Variants in PBX3 observed in about 807,000 individuals in gnomAD.
The protein encoded by PBX3 is PBX homeobox 3.
A neutral mutation model predicts 48.5 loss-of-function variants in PBX3; 14 were observed. That is an observed-to-expected ratio of 0.29 (90% CI 0.19 to 0.45). PBX3 has a LOEUF of 0.45. PBX3 is among the 20% of genes least tolerant of loss of function. The pLI is 1.00. For synonymous variants in PBX3, 210 were observed against 200.3 expected (o/e 1.05, Z -0.41); for missense variants, 386 against 546.7 (o/e 0.71, Z 2.93).
rs1312265903 is a variant in PBX3 at position 125,891,751 on chromosome 9, T to G, written c.275-23935T>G. Among the ~76,000 whole-genome samples, 29 of 152,214 alleles carry G rather than the reference T, an allele frequency of 1.9e-4. 1 individual carries two copies. Among genetic ancestry groups the G allele is most frequent in the Admixed American group, 1.9e-3 (29 of 15,282 alleles). On this transcript the variant is annotated intron_variant, in intron 2 of 8. Transcript: ENST00000373489. ...TTTAACCATGTGTATCTATGTATCATTATCTGTACATATCCTAAGTATGTA... is the reference window on the plus strand; with the variant it reads ...TTTAACCATGTGTATCTATGTATCAGTATCTGTACATATCCTAAGTATGTA...
At chr9:125,781,031 C>T (rs1261372247) in intron 2 of PBX3, among the ~76,000 whole-genome samples, 1 of 126,162 alleles carries the variant, frequency 7.9e-6, no homozygotes, top group Non-Finnish European at 1.6e-5. Context: ...TCCTCACTTT[C>T]CAGACTGGGC....
At chr9:125,780,821 C>A (rs112725644) in intron 2 of PBX3, among the ~76,000 whole-genome samples, 57,310 of 129,300 alleles carry the variant, frequency 0.44, 12,020 homozygotes, top group South Asian at 0.53. Context: ...CGGGCGGAGA[C>A]GCTCCTCACT....
At chr9:125,852,464 T>G (rs770499779) in intron 2 of PBX3, among the ~76,000 whole-genome samples, 7 of 152,208 alleles carry the variant, frequency 4.6e-5, no homozygotes, top group Non-Finnish European at 8.8e-5. Flanking sequence ...TCATGTTAAC[T>G]GATCAGTACT....
intron 2 of PBX3, among the ~76,000 whole-genome samples, chr9:125,885,399 G>T (rs965144829): frequency 3.9e-5 from 6 of 152,108 alleles, no homozygotes; most frequent in African/African-American, 1.4e-4. Flanking sequence ...AATTGGTAGA[G>T]AGTGAAGTTA....
At chr9:125,833,827 T>G (rs550442102) in intron 2 of PBX3, among the ~76,000 whole-genome samples, 1 of 152,362 alleles carries the variant, frequency 6.6e-6, no homozygotes, top group Admixed American at 6.5e-5. Context: ...AGTTTTTGTG[T>G]AGACATATAT....
rs535519210 is a variant in PBX3, at chr9:125,903,328, C to CA, written c.275-12352dup. 1.8e-3 allele frequency among the ~76,000 whole-genome samples: 266 copies of CA among 151,894 alleles called. 1 individual carries two copies. The highest frequency in any genetic ancestry group is 5.8e-3 in the African/African-American group (239 of 41,506). On this transcript the variant is annotated intron_variant, in intron 2 of 8. Transcript: ENST00000373489. ...AATCTCAAGGGACCAGACATAAAAA[C>CA]AAAAAACTCAATGACAGTTTCAAAT... is the stretch of plus-strand genomic sequence containing the variant.
At chr9:125,934,208 G>C (rs1666689077) in intron 4 of PBX3, among the ~76,000 whole-genome samples, 1 of 152,084 alleles carries the variant, frequency 6.6e-6, no homozygotes, top group Admixed American at 6.6e-5. Flanking sequence ...TAGATTTCTT[G>C]CTCCCTTGAC....
chr9:125,908,277 C>T lies in PBX3; in HGVS notation c.275-7409C>T, dbSNP rs184649801. 3.1e-3 allele frequency among the ~76,000 whole-genome samples: 477 copies of T among 152,144 alleles called. 9 individuals are homozygous for T. Among genetic ancestry groups the T allele is most frequent in the Non-Finnish European group, 9.4e-4 (64 of 67,970 alleles). On this transcript the variant is annotated intron_variant, in intron 2 of 8. Transcript: ENST00000373489. ...AAGCAGCTGTGTGGAGAGGCACACA[C>T]GATGCCCTCAGTGTTAGAGGGAGCA...
At chr9:125,881,437 G>A (rs374417862) in intron 2 of PBX3, among the ~76,000 whole-genome samples, 67 of 152,280 alleles carry the variant, frequency 4.4e-4, no homozygotes, top group African/African-American at 1.6e-3. Flanking sequence ...TGACAGCTAA[G>A]TTAAAGTACT....
intron 2 of PBX3, among the ~76,000 whole-genome samples, chr9:125,831,024 C>T (rs1051872096): frequency 6.6e-6 from 1 of 152,122 alleles, no homozygotes; most frequent in Admixed American, 6.6e-5. Context: ...TCCTCCTGCC[C>T]CCCACCTGTC....
At chr9:125,945,353 AC>A (rs1842044523) in intron 5 of PBX3, among the ~76,000 whole-genome samples, 1 of 152,176 alleles carries the variant, frequency 6.6e-6, no homozygotes. Context: ...AATTATTGTT[AC>A]GCAGTTTCTC....
At position 125,933,802 on chromosome 9, in the gene PBX3, G is replaced by C. The variant is rs577763851; in HGVS notation, c.708-1670G>C. Among the ~76,000 whole-genome samples, 44 of 152,204 alleles carry C rather than the reference G, an allele frequency of 2.9e-4. 2 individuals carry two copies. Among genetic ancestry groups the C allele is most frequent in the African/African-American group, 9.4e-4 (39 of 41,516 alleles). On this transcript the variant is annotated intron_variant, in intron 4 of 8. Transcript: ENST00000373489. ...AGATTTTTATGAGCAGGTAATTACT[G>C]TGTGGTCTCAATAAATAATGTCTAT...
chr9:125,779,917 G>C, intron 2 of PBX3, among the ~76,000 whole-genome samples: 1 of 131,900 alleles, frequency 7.6e-6, no homozygotes, highest in African/African-American at 2.9e-5. Context: ...TCCCGGACGG[G>C]GCGTCTGGCC....
chr9:125,773,252 A>G (rs981502166), intron 2 of PBX3, among the ~76,000 whole-genome samples: 2 of 152,124 alleles, frequency 1.3e-5, no homozygotes, highest in African/African-American at 4.8e-5. Context: ...TAAACTGAAA[A>G]ATGAGAAGGA....
intron 2 of PBX3, among the ~76,000 whole-genome samples, chr9:125,786,859 A>C (rs1837470650): frequency 6.6e-6 from 1 of 150,990 alleles, no homozygotes; most frequent in East Asian, 2.0e-4. Flanking sequence ...TGAGTAGCTG[A>C]GATTACAGGT....
chr9:125,794,603 A>G (rs1837721685), intron 2 of PBX3, among the ~76,000 whole-genome samples: 1 of 152,102 alleles, frequency 6.6e-6, no homozygotes, highest in East Asian at 1.9e-4. Flanking sequence ...TGAGAACAAA[A>G]TAACAAAACA....
chr9:125,857,166 T>G (rs1398231824), intron 2 of PBX3, among the ~76,000 whole-genome samples: 2 of 152,200 alleles, frequency 1.3e-5, no homozygotes, highest in Non-Finnish European at 2.9e-5. Context: ...TCGTTGGCAC[T>G]TATTGTTTAT....
In PBX3 at chr9:125,747,540, T is replaced by C; in HGVS notation, c.87T>C (p.Pro29=). The C allele has an allele frequency of 1.2e-6, 2 of 1,602,934 alleles. No homozygotes were observed. The highest frequency in any genetic ancestry group is 1.7e-6 in the Non-Finnish European group (2 of 1,175,250). ...HSVQGGMALP[P]PPHGHEGADG... is the part of the protein sequence containing the mutation. ...TGCAGGGGGGCATGGCCCTGCCGCC[T>C]CCCCCGCACGGCCACGAAGGGGCGG... Residue 29 remains proline (P), a synonymous_variant, in exon 1 of 9, where the codon CCT becomes CCC. Coordinates refer to ENST00000373489, the MANE Select transcript of PBX3 (RefSeq NM_006195.6).
intron 2 of PBX3, among the ~76,000 whole-genome samples, chr9:125,809,125 T>G (rs928570962): frequency 3.9e-5 from 6 of 152,244 alleles, no homozygotes; most frequent in African/African-American, 1.4e-4. Flanking sequence ...GGATACCTGT[T>G]AACCATATAA....
Sources: gnomAD v4.1 joint callset for allele counts (sites outside exome capture counted in the v4.1 genomes callset) on GRCh38, gnomAD v4.1.1 for gene constraint, MANE v1.5 for transcripts, NCBI Gene and HGNC (gene_info 2026-07-23, HGNC 2026-07-21) for gene names.